Variants in RBFOX2 observed in about 807,000 individuals in gnomAD.
RBFOX2 encodes RNA binding fox-1 homolog 2.
In RBFOX2, 10 loss-of-function variants were observed where a neutral mutation model predicts 49.1. That is an observed-to-expected ratio of 0.20 (90% CI 0.13 to 0.35). RBFOX2 has a LOEUF of 0.35. RBFOX2 is among the 10% of genes least tolerant of loss of function. The pLI is 1.00. For missense variants in RBFOX2, 323 were observed against 486.9 expected, an observed-to-expected ratio of 0.66 and a Z score of 3.17; for synonymous variants, 183 against 187.4, an observed-to-expected ratio of 0.98 and a Z score of 0.19.
chr22:35,779,603 T>C (rs1318236251), intron 3 of RBFOX2, among the ~76,000 whole-genome samples: 1 of 152,260 alleles, frequency 6.6e-6, no homozygotes, highest in Non-Finnish European at 1.5e-5. Flanking sequence ...TTTTGTTTTA[T>C]ATTTTCTAAT....
chr22:35,855,507 A>C (rs2042407013), intron 1 of RBFOX2, among the ~76,000 whole-genome samples: 1 of 152,088 alleles, frequency 6.6e-6, no homozygotes, highest in African/African-American at 2.4e-5. Flanking sequence ...TCTAGGTTCA[A>C]GGATCCTCCC....
At chr22:36,025,695 C>A (rs2059406037) in intron 1 of RBFOX2, among the ~76,000 whole-genome samples, 1 of 152,172 alleles carries the variant, frequency 6.6e-6, no homozygotes, top group Admixed American at 6.5e-5. Context: ...ATTGCATGCA[C>A]CTTAAGGACA....
intron 1 of RBFOX2, chr22:35,840,148 C>T (rs905910502): frequency 6.2e-7 from 1 of 1,604,458 alleles, no homozygotes; most frequent in Non-Finnish European, 8.5e-7. Context: ...TATTTAGATC[C>T]CAGAGAGGAG....
chr22:35,944,244 G>T (rs982266648), intron 1 of RBFOX2, among the ~76,000 whole-genome samples: 1 of 152,176 alleles, frequency 6.6e-6, no homozygotes, highest in Non-Finnish European at 1.5e-5. Flanking sequence ...TGTGTGGGGG[G>T]ATGGAGGTGA....
chr22:35,895,511 T>TA (rs1366316901), intron 1 of RBFOX2, among the ~76,000 whole-genome samples: 1 of 152,188 alleles, frequency 6.6e-6, no homozygotes, highest in Non-Finnish European at 1.5e-5. Flanking sequence ...TCACCACTAA[T>TA]AATTCTTAAT....
chr22:35,794,109 T>C (rs1216509348), intron 2 of RBFOX2, among the ~76,000 whole-genome samples: 1 of 152,160 alleles, frequency 6.6e-6, no homozygotes, highest in Admixed American at 6.5e-5. Flanking sequence ...TAACGTTCAT[T>C]TAGAATGAAA....
chr22:35,984,827 T>G (rs1029275835), intron 1 of RBFOX2, among the ~76,000 whole-genome samples: 15 of 152,212 alleles, frequency 9.9e-5, no homozygotes, highest in African/African-American at 3.6e-4. Context: ...CCAGTCTGCA[T>G]AGAAAATTCC....
chr22:35,973,040 C>G (rs2056965713), intron 1 of RBFOX2, among the ~76,000 whole-genome samples: 1 of 152,042 alleles, frequency 6.6e-6, no homozygotes, highest in Admixed American at 6.5e-5. Context: ...ATCAAGAAGG[C>G]CAGAGTCAAA....
At chr22:35,898,870 T>C (rs921390448) in intron 1 of RBFOX2, among the ~76,000 whole-genome samples, 2 of 152,146 alleles carry the variant, frequency 1.3e-5, no homozygotes, top group African/African-American at 2.4e-5. Flanking sequence ...CTCATGCCTG[T>C]CATCCCAGCA....
chr22:35,793,123 G>A (rs898721635), intron 2 of RBFOX2, among the ~76,000 whole-genome samples: 2 of 152,242 alleles, frequency 1.3e-5, no homozygotes, highest in Admixed American at 6.5e-5. Context: ...TGTAATCCCA[G>A]CACTTTGGGA....
chr22:35,762,496 GCCT>G (rs1256101326), intron 6 of RBFOX2, among the ~76,000 whole-genome samples: 7 of 148,938 alleles, frequency 4.7e-5, no homozygotes, highest in South Asian at 2.1e-4. Flanking sequence ...GCCAGAATTG[GCCT>G]CCTCTTTTTT....
At chr22:35,975,623 G>T (rs1300650821) in intron 1 of RBFOX2, among the ~76,000 whole-genome samples, 1 of 151,888 alleles carries the variant, frequency 6.6e-6, no homozygotes, top group Non-Finnish European at 1.5e-5. Context: ...TTGGGAGTCA[G>T]TATTTTCAAA....
chr22:35,876,622 T>A (rs2045126114), intron 1 of RBFOX2, among the ~76,000 whole-genome samples: 1 of 151,502 alleles, frequency 6.6e-6, no homozygotes, highest in Non-Finnish European at 1.5e-5. Flanking sequence ...TATCTAAAAT[T>A]TACAAAATAA....
intron 1 of RBFOX2, among the ~76,000 whole-genome samples, chr22:35,987,551 A>C (rs911372381): frequency 6.6e-6 from 1 of 152,224 alleles, no homozygotes; most frequent in Non-Finnish European, 1.5e-5. Context: ...CTAAAATTGA[A>C]TAGTAATTAA....
chr22:35,867,865 A>G (rs2149152766), intron 1 of RBFOX2, among the ~76,000 whole-genome samples: 1 of 152,316 alleles, frequency 6.6e-6, no homozygotes, highest in East Asian at 1.9e-4. Flanking sequence ...ACACTTTTAG[A>G]TATGATTAAT....
At chr22:35,764,970 G>A (rs1940446667) in intron 6 of RBFOX2, among the ~76,000 whole-genome samples, 1 of 151,872 alleles carries the variant, frequency 6.6e-6, no homozygotes, top group Admixed American at 6.6e-5. Flanking sequence ...GGGCTAAGGA[G>A]AGCAACAGGT....
At chr22:35,757,699 C>G (rs180926543) in intron 9 of RBFOX2, among the ~76,000 whole-genome samples, 1 of 152,236 alleles carries the variant, frequency 6.6e-6, no homozygotes, top group South Asian at 2.1e-4. Context: ...TCAAACTCAT[C>G]TCTGATGTTC....
chr22:35,865,583 G>A (rs2149128449), intron 1 of RBFOX2, among the ~76,000 whole-genome samples: 1 of 150,724 alleles, frequency 6.6e-6, no homozygotes, highest in South Asian at 2.1e-4. Context: ...TTTTGATGGT[G>A]ATAGAAGAGG....
intron 1 of RBFOX2, chr22:35,994,117 A>T (rs1274121139): frequency 6.6e-6 from 1 of 152,146 alleles, no homozygotes; most frequent in Non-Finnish European, 1.5e-5. Flanking sequence ...TAGGAATATA[A>T]TGAGAGCCAG....
Sources: allele counts gnomAD v4.1 joint callset (sites outside exome capture counted in the v4.1 genomes callset), GRCh38; gene constraint gnomAD v4.1.1; transcripts MANE v1.5; gene names NCBI Gene and HGNC (gene_info 2026-07-23, HGNC 2026-07-21).